The following PLEKHA3 variants were observed in gnomAD, a reference collection of about 807,000 sequenced individuals.
The protein encoded by PLEKHA3 is pleckstrin homology domain containing A3.
Under a neutral mutation model 39.2 loss-of-function variants are expected in PLEKHA3, and 19 were observed. That is an observed-to-expected ratio of 0.48 (90% CI 0.34 to 0.71). PLEKHA3 has a LOEUF of 0.71. PLEKHA3 is among the 30% of genes least tolerant of loss of function. PLEKHA3 has a pLI of 0.01. For synonymous variants in PLEKHA3, 97 were observed against 118.6 expected (o/e 0.82, Z 1.18); for missense variants, 253 against 359.5 (o/e 0.70, Z 2.40).
At chr2:178,496,920 T>C (rs1685459078) in intron 5 of PLEKHA3, among the ~76,000 whole-genome samples, 1 of 152,062 alleles carries the variant, frequency 6.6e-6, no homozygotes, top group South Asian at 2.1e-4. Context: ...TTGCCCAAGC[T>C]GGTCTCAAAC....
At position 178,497,181 on chromosome 2, in the gene PLEKHA3, G is replaced by A. The variant is rs114914284; in HGVS notation, c.615+1521G>A. Among the ~76,000 whole-genome samples, 186 of 150,822 alleles carry A rather than the reference G, an allele frequency of 1.2e-3. 1 individual carries two copies. Among genetic ancestry groups the A allele is most frequent in the Non-Finnish European group, 1.7e-3 (118 of 67,770 alleles). On this transcript the variant is annotated intron_variant, in intron 5 of 7. Coordinates refer to ENST00000234453, the MANE Select transcript of PLEKHA3 (RefSeq NM_019091.4). Reference sequence around the variant, plus strand: ...TGAAATTTATTTGACAATTGAGCCCGTTATATATATACACAAATAAAATAA... The same window carrying A: ...TGAAATTTATTTGACAATTGAGCCCATTATATATATACACAAATAAAATAA...
At position 178,513,749 on chromosome 2, in the gene PLEKHA3, T is replaced by A. The variant is rs1685720821; in HGVS notation, c.*9862T>A. 1 of 152,054 alleles carries A rather than the reference T, an allele frequency of 6.6e-6. No homozygotes were observed. The highest frequency in any genetic ancestry group is 1.5e-5 in the Non-Finnish European group (1 of 67,988). 9.4% of individuals were successfully genotyped at this position (152,054 alleles called of 1,614,324 possible). A position where few individuals can be genotyped will look rare whatever the true frequency, so the allele number is the denominator to read the frequency against. On this transcript the variant is annotated 3_prime_UTR_variant, in exon 8 of 8. Coordinates refer to ENST00000234453, the MANE Select transcript of PLEKHA3 (RefSeq NM_019091.4). ...TGGTCAAAATAGAGAGTTGTGGGTT[T>A]TTTTTTTTGTTTGACAACAATCAAA...
chr2:178,492,152 C>T (rs1258548406), intron 3 of PLEKHA3, among the ~76,000 whole-genome samples: 3 of 151,510 alleles, frequency 2.0e-5, no homozygotes, highest in African/African-American at 7.3e-5. Context: ...GTATGTATTA[C>T]TTATATAATT....
Position 178,510,138 on chromosome 2 carries a change from G to T in PLEKHA3, c.*6251G>T, listed in dbSNP as rs1685660834. ...CATCTACCTGCCTTGGCCTCCCAAA[G>T]TGTCGGGATTACAGATGTGAGCCAC... On this transcript the variant is annotated 3_prime_UTR_variant, in exon 8 of 8. Transcript: ENST00000234453. The T allele has an allele frequency of 6.6e-6, 1 of 152,220 alleles. No homozygotes were observed. Among genetic ancestry groups the T allele is most frequent in the African/African-American group, 2.4e-5 (1 of 41,454 alleles). 9.4% of individuals were successfully genotyped at this position (152,220 alleles called of 1,614,324 possible). A position where few individuals can be genotyped will look rare whatever the true frequency, so the allele number is the denominator to read the frequency against.
Position 178,509,780 on chromosome 2 carries a change from T to G in PLEKHA3, c.*5893T>G, listed in dbSNP as rs1685655956. On this transcript the variant is annotated 3_prime_UTR_variant, in exon 8 of 8. Transcript: ENST00000234453. ...AGGCATGAGCCACACTGCACTCTCC[T>G]ATCTCTCTCAATTCAGTAACCTGTT... 6.6e-6 allele frequency: 1 copy of G among 152,172 alleles called. No homozygotes were observed. The allele number at this position is 152,172 out of a possible 1,614,324, so 9.4% of individuals were successfully genotyped here. A position where few individuals can be genotyped will look rare whatever the true frequency, so the allele number is the denominator to read the frequency against.
In PLEKHA3 at chr2:178,480,515, A is replaced by C; in HGVS notation, c.-355A>C. 1.7e-5 allele frequency: 3 copies of C among 178,282 alleles called. No homozygotes were observed. Among genetic ancestry groups the C allele is most frequent in the Non-Finnish European group, 2.3e-5 (2 of 85,310 alleles). 11.0% of individuals were successfully genotyped at this position (178,282 alleles called of 1,614,324 possible). A position where few individuals can be genotyped will look rare whatever the true frequency, so the allele number is the denominator to read the frequency against. Reference sequence around the variant, plus strand: ...AAAACAAACGGGGAGCCCAGGGGGAAGGAAGGCAGGCGAGGAAGAGGCAGC... The same window carrying C: ...AAAACAAACGGGGAGCCCAGGGGGACGGAAGGCAGGCGAGGAAGAGGCAGC... On this transcript the variant is annotated 5_prime_UTR_variant, in exon 1 of 8. Coordinates refer to ENST00000234453, the MANE Select transcript of PLEKHA3 (RefSeq NM_019091.4).
chr2:178,499,508 T>C (rs1340412720), intron 6 of PLEKHA3, among the ~76,000 whole-genome samples: 1 of 152,156 alleles, frequency 6.6e-6, no homozygotes, highest in Admixed American at 6.5e-5. Flanking sequence ...TTACCTTTTT[T>C]AGATGTTTGA....
At chr2:178,499,700 A>C (rs1685499862) in intron 6 of PLEKHA3, among the ~76,000 whole-genome samples, 1 of 152,178 alleles carries the variant, frequency 6.6e-6, no homozygotes. Flanking sequence ...ATGCAGTAGA[A>C]GTTTGTAGCC....
chr2:178,484,980 T>C (rs949966836), intron 1 of PLEKHA3, among the ~76,000 whole-genome samples: 1 of 152,216 alleles, frequency 6.6e-6, no homozygotes, highest in African/African-American at 2.4e-5. Flanking sequence ...GGGGGTCATA[T>C]GGGGAATCTG....
rs1685596640 is a variant in PLEKHA3, at chr2:178,505,959, A to C, written c.*2072A>C. ...GAAATCATTTTTTTTGTGGGAGTAT[A>C]AATATATCTTGAATTATATCCAGGT... On this transcript the variant is annotated 3_prime_UTR_variant, in exon 8 of 8. Coordinates refer to ENST00000234453, the MANE Select transcript of PLEKHA3 (RefSeq NM_019091.4). The C allele has an allele frequency of 2.0e-5, 3 of 152,012 alleles. No individual in the cohort carries two copies. The highest frequency in any genetic ancestry group is 2.4e-5 in the African/African-American group (1 of 41,426). 9.4% of individuals were successfully genotyped at this position (152,012 alleles called of 1,614,324 possible). A position where few individuals can be genotyped will look rare whatever the true frequency, so the allele number is the denominator to read the frequency against.
Position 178,501,155 on chromosome 2 carries a change from A to G in PLEKHA3, c.754A>G (p.Ile252Val). The G allele has an allele frequency of 6.2e-7, 1 of 1,612,448 alleles. No homozygotes were observed. Among genetic ancestry groups the G allele is most frequent in the East Asian group, 2.2e-5 (1 of 44,862 alleles). The change falls in exon 7 of 8, where the codon ATT (isoleucine) becomes GTT (valine). Residue 252 changes from isoleucine to valine, a missense_variant. By Grantham distance (29) the Ile-to-Val change is conservative (BLOSUM62 3). This residue lies in a region of PLEKHA3 where 127 missense variants were observed against 136.8 expected (regional missense o/e 0.93). Coordinates refer to ENST00000234453, the MANE Select transcript of PLEKHA3 (RefSeq NM_019091.4). ...TYSDTDSCSDIPLEDPDRPVH... is the reference protein window; with the variant it reads ...TYSDTDSCSDVPLEDPDRPVH... Reference sequence around the variant, plus strand: ...CTCAGATACAGATTCTTGTAGTGATATTCCTCTTGAAGACCCAGATAGTAA... The same window carrying G: ...CTCAGATACAGATTCTTGTAGTGATGTTCCTCTTGAAGACCCAGATAGTAA...
At position 178,515,572 on chromosome 2, in the gene PLEKHA3, G is replaced by A. The variant is rs924511684; in HGVS notation, c.*11685G>A. ...CTTGGGAATGGCGGTGAGTTCAGGG[G>A]GTCTGTTAACCATTTAATTTAGGAT... On this transcript the variant is annotated 3_prime_UTR_variant, in exon 8 of 8. Transcript: ENST00000234453. 5 of 151,730 alleles carry A rather than the reference G, an allele frequency of 3.3e-5. No individual in the cohort carries two copies. The allele number at this position is 151,730 out of a possible 1,614,324, so 9.4% of individuals were successfully genotyped here.
chr2:178,489,432 G>A (rs878907756), intron 2 of PLEKHA3, among the ~76,000 whole-genome samples: 2 of 114,340 alleles, frequency 1.7e-5, no homozygotes, highest in Non-Finnish European at 3.8e-5. Flanking sequence ...ATATGAATTT[G>A]TTTTCTTTTC....
At position 178,516,033 on chromosome 2, in the gene PLEKHA3, A is replaced by T. The variant is rs1685758506; in HGVS notation, c.*12146A>T. On this transcript the variant is annotated 3_prime_UTR_variant, in exon 8 of 8. Transcript: ENST00000234453. ...TTTATTGTAGCTAGTTATAAGATGT[A>T]TATATAGCTTATATATGTGTATATA... 6.6e-6 allele frequency: 1 copy of T among 151,492 alleles called. No individual in the cohort carries two copies. The highest frequency in any genetic ancestry group is 6.6e-5 in the Admixed American group (1 of 15,218). The allele number at this position is 151,492 out of a possible 1,614,324, so 9.4% of individuals were successfully genotyped here. A position where few individuals can be genotyped will look rare whatever the true frequency, so the allele number is the denominator to read the frequency against.
rs540691578 is a variant in PLEKHA3 at position 178,490,993 on chromosome 2, C to CAAT, written c.313+182_313+184dup. On this transcript the variant is annotated intron_variant, in intron 3 of 7. Coordinates refer to ENST00000234453, the MANE Select transcript of PLEKHA3 (RefSeq NM_019091.4). ...AAGCTATAAATTTAGGGGAATGGCT[C>CAAT]AATAAACTCTTTCTTTCTTTTTTTT... 2.0e-5 allele frequency among the ~76,000 whole-genome samples: 3 copies of CAAT among 149,090 alleles called. No individual in the cohort carries two copies. The East Asian group carries it at 6.0e-4, about 30-fold the overall frequency.
At position 178,507,658 on chromosome 2, in the gene PLEKHA3, G is replaced by GTTTTTTTTTTTTTT. The variant is rs35052196; in HGVS notation, c.*3794_*3807dup. On this transcript the variant is annotated 3_prime_UTR_variant, in exon 8 of 8. Coordinates refer to ENST00000234453, the MANE Select transcript of PLEKHA3 (RefSeq NM_019091.4). Reference sequence around the variant, plus strand: ...CCTTTAGTTTTTAGTCTCACATTAGGTTTTTTTTTTTTTTTTTTTTTTTTT... The same window carrying GTTTTTTTTTTTTTT: ...CCTTTAGTTTTTAGTCTCACATTAGGTTTTTTTTTTTTTTTTTTTTTTTTTTTTTTTTTTTTTTT... 1.5e-3 allele frequency: 43 copies of GTTTTTTTTTTTTTT among 28,818 alleles called. 14 individuals are homozygous for GTTTTTTTTTTTTTT. The highest frequency in any genetic ancestry group is 4.9e-3 in the South Asian group (2 of 410). 1.8% of individuals were successfully genotyped at this position (28,818 alleles called of 1,614,324 possible). A position where few individuals can be genotyped will look rare whatever the true frequency, so the allele number is the denominator to read the frequency against.
chr2:178,485,918 A>C (rs1196312597), intron 2 of PLEKHA3, among the ~76,000 whole-genome samples, 161 bp downstream of exon 2: 2 of 152,198 alleles, frequency 1.3e-5, no homozygotes, highest in Non-Finnish European at 2.9e-5. Flanking sequence ...CAGTTAACAC[A>C]ATTAAACACA....
chr2:178,482,062 G>A (rs566957141), intron 1 of PLEKHA3: 2 of 153,776 alleles, frequency 1.3e-5, no homozygotes, highest in African/African-American at 4.8e-5. Flanking sequence ...ATTTGTAGCA[G>A]CAAATGCTTT....
In PLEKHA3 at chr2:178,512,648, G is replaced by A. The variant is rs1257571882; in HGVS notation, c.*8761G>A. ...CAACCTTTTCTGGTATTAGTAGGCA[G>A]AACTCCTTTTGGATGCGGTGAAGCA... On this transcript the variant is annotated 3_prime_UTR_variant, in exon 8 of 8. Coordinates refer to ENST00000234453, the MANE Select transcript of PLEKHA3 (RefSeq NM_019091.4). 4 of 153,774 alleles carry A rather than the reference G, an allele frequency of 2.6e-5. No homozygotes were observed. In the Admixed American group the frequency reaches 2.6e-4, roughly 10 times the overall value. 9.5% of individuals were successfully genotyped at this position (153,774 alleles called of 1,614,324 possible).
Sources: gnomAD v4.1 joint callset for allele counts (sites outside exome capture counted in the v4.1 genomes callset) on GRCh38, gnomAD v4.1.1 for gene constraint, gnomAD v4.1.1 regional missense constraint, MANE v1.5 for transcripts, NCBI Gene and HGNC (gene_info 2026-07-23, HGNC 2026-07-21) for gene names.